The following BAIAP2L1 variants were observed in gnomAD, a reference collection of about 807,000 sequenced individuals.
BAIAP2L1 encodes the protein BAR/IMD domain containing adaptor protein 2 like 1, also known as BAR/IMD domain-containing adapter protein 2-like 1.
Under a neutral mutation model 66.3 loss-of-function variants are expected in BAIAP2L1, and 35 were observed. The ratio of observed to expected loss-of-function variants is 0.53; its 90% CI spans 0.40 to 0.70. The LOEUF (loss-of-function observed/expected upper bound fraction) is 0.70, where lower values mean the gene tolerates loss of function less well. Among genes scored for constraint, BAIAP2L1 ranks in the 30% least tolerant of loss-of-function variants. The pLI is 0.00. For missense variants in BAIAP2L1, 622 were observed against 656.9 expected (o/e 0.95, Z 0.58); for synonymous variants, 269 against 248.7 (o/e 1.08, Z -0.77).
In BAIAP2L1 at chr7:98,292,383, AT is replaced by A; in HGVS notation, c.*1137del. On this transcript the variant is annotated 3_prime_UTR_variant, in exon 14 of 14. Coordinates refer to ENST00000005260, the MANE Select transcript of BAIAP2L1 (RefSeq NM_018842.5). ...ACCACCACACCTGTCTAATTTTTGTATTTTTAGTAGAGACTCCTGACCTCAG... is the reference window on the plus strand; with the variant it reads ...ACCACCACACCTGTCTAATTTTTGTATTTTAGTAGAGACTCCTGACCTCAG... 2.2e-6 allele frequency: 1 copy of A among 459,326 alleles called. No homozygotes were observed. The highest frequency in any genetic ancestry group is 3.9e-6 in the Non-Finnish European group (1 of 254,744). The allele number at this position is 459,326 out of a possible 1,614,324, so 28.5% of individuals were successfully genotyped here.
chr7:98,342,032 T>C (rs1025470477), intron 3 of BAIAP2L1, among the ~76,000 whole-genome samples: 1 of 141,360 alleles, frequency 7.1e-6, no homozygotes, highest in African/African-American at 2.6e-5. Context: ...TTTCAGAAAT[T>C]TTTTTCTGAT....
chr7:98,369,044 C>CTT (rs34808288), intron 1 of BAIAP2L1, among the ~76,000 whole-genome samples: 16 of 130,776 alleles, frequency 1.2e-4, no homozygotes, highest in East Asian at 4.4e-4. Flanking sequence ...AACTGCCAAA[C>CTT]TTTTTTTTTT....
chr7:98,341,122 G>A (rs1729556271), intron 3 of BAIAP2L1, among the ~76,000 whole-genome samples: 1 of 151,980 alleles, frequency 6.6e-6, no homozygotes, highest in South Asian at 2.1e-4. Context: ...CATTTATCAT[G>A]TGCTTGCTTC....
At chr7:98,386,704 T>TTC (rs1802901567) in intron 1 of BAIAP2L1, 1 of 767,470 alleles carries the variant, frequency 1.3e-6, no homozygotes, top group African/African-American at 1.9e-5. Flanking sequence ...TTTTTTTTTT[T>TTC]TTTTTTTTTT....
chr7:98,376,657 C>CA (rs71112147), intron 1 of BAIAP2L1, among the ~76,000 whole-genome samples: 3,410 of 92,866 alleles, frequency 0.037, 119 homozygotes, highest in African/African-American at 0.048. Flanking sequence ...CCCATCTTTA[C>CA]AAAAAAAAAA....
intron 3 of BAIAP2L1, among the ~76,000 whole-genome samples, chr7:98,349,204 C>T (rs1801944548): frequency 6.6e-6 from 1 of 152,164 alleles, no homozygotes; most frequent in South Asian, 2.1e-4. Flanking sequence ...GGCCTATCAG[C>T]CACCCTGAGG....
intron 12 of BAIAP2L1, among the ~76,000 whole-genome samples, chr7:98,297,608 G>T (rs1169871016): frequency 6.6e-6 from 1 of 152,210 alleles, no homozygotes; most frequent in Non-Finnish European, 1.5e-5. Context: ...CCTCGTCTGT[G>T]GCCCGGACTT....
intron 1 of BAIAP2L1, among the ~76,000 whole-genome samples, chr7:98,383,283 CT>C (rs112746004): frequency 0.38 from 52,108 of 137,702 alleles, 10,329 homozygotes; most frequent in Middle Eastern, 0.55. Context: ...AACTTTCAAT[CT>C]TTTTTTTTTT....
chr7:98,318,945 CAAA>C (rs369964958), intron 5 of BAIAP2L1, among the ~76,000 whole-genome samples: 4 of 114,564 alleles, frequency 3.5e-5, no homozygotes, highest in South Asian at 2.9e-4. Context: ...GACTCCATCT[CAAA>C]AAAAAAAAAA....
intron 3 of BAIAP2L1, among the ~76,000 whole-genome samples, chr7:98,340,765 T>C (rs1254234638): frequency 6.6e-6 from 1 of 151,242 alleles, no homozygotes; most frequent in African/African-American, 2.4e-5. Flanking sequence ...ACACGACACA[T>C]GGACTTCCAC....
rs1231720060 is a variant in BAIAP2L1, at chr7:98,294,232, A to T, written c.1423-121T>A. 4 of 1,001,446 alleles carry T rather than the reference A, an allele frequency of 4.0e-6. No individual in the cohort carries two copies. The East Asian group carries it at 1.1e-4, about 27-fold the overall frequency. 62.0% of individuals were successfully genotyped at this position (1,001,446 alleles called of 1,614,324 possible). A position where few individuals can be genotyped will look rare whatever the true frequency, so the allele number is the denominator to read the frequency against. The stretch of plus-strand genomic sequence containing the variant: ...GGTTTCGAACTCCTGAGCTCACGTG[A>T]TCCTTCCACCTTGGCCTCCTAATGT... On this transcript the variant is annotated intron_variant, in intron 12 of 13. Coordinates refer to ENST00000005260, the MANE Select transcript of BAIAP2L1 (RefSeq NM_018842.5).
intron 10 of BAIAP2L1, 192 bp downstream of exon 10, chr7:98,307,497 G>A (rs2116858188): frequency 6.3e-6 from 9 of 1,431,694 alleles, no homozygotes; most frequent in Non-Finnish European, 8.2e-6. Context: ...TGCACCAAAT[G>A]TATCTCTACA....
intron 3 of BAIAP2L1, among the ~76,000 whole-genome samples, chr7:98,326,938 CAT>C (rs1410320263): frequency 6.6e-6 from 1 of 151,878 alleles, no homozygotes; most frequent in African/African-American, 2.4e-5. Flanking sequence ...TCAAAACAAA[CAT>C]AACAAATGAG....
intron 1 of BAIAP2L1, among the ~76,000 whole-genome samples, chr7:98,365,605 C>T (rs932591583): frequency 6.6e-6 from 1 of 151,932 alleles, no homozygotes; most frequent in Non-Finnish European, 1.5e-5. Flanking sequence ...CAAGTAGCTG[C>T]GGGGGGTGGA....
intron 6 of BAIAP2L1, among the ~76,000 whole-genome samples, chr7:98,316,267 ATC>A (rs555546258): frequency 3.3e-5 from 5 of 151,506 alleles, no homozygotes; most frequent in South Asian, 4.2e-4. Flanking sequence ...AGTCCATTAA[ATC>A]TCTTTCTTTT....
At chr7:98,322,584 G>A (rs1051539417) in intron 3 of BAIAP2L1, among the ~76,000 whole-genome samples, 9 of 152,146 alleles carry the variant, frequency 5.9e-5, no homozygotes, top group African/African-American at 1.9e-4. Flanking sequence ...GAGAAGGCAT[G>A]GGGCATGGCG....
At chr7:98,386,692 G>GTTTTTT in intron 1 of BAIAP2L1, 4 of 270,538 alleles carry the variant, frequency 1.5e-5, no homozygotes, top group Non-Finnish European at 2.7e-5. Flanking sequence ...ACTTTCCAAA[G>GTTTTTT]GTTTTTTTTT....
chr7:98,307,705 G>A lies in BAIAP2L1; in HGVS notation c.1147C>T (p.His383Tyr), dbSNP rs759417905. 1.9e-6 allele frequency: 3 copies of A among 1,614,132 alleles called. No homozygotes were observed. The South Asian group carries it at 3.3e-5, about 18-fold the overall frequency. Residue 383 changes from histidine to tyrosine, a missense_variant, in exon 10 of 14, where the codon CAC becomes TAC. Transcript: ENST00000005260. ...EEKDGWLYGEHDVSKARGWFP... is the reference protein window; with the variant it reads ...EEKDGWLYGEYDVSKARGWFP... ...CAGACTTACGCCTTGGACACGTCGT[G>A]TTCTCCATAGAGCCAGCCATCCTTC...
At chr7:98,361,924 T>G (rs908390937) in intron 2 of BAIAP2L1, among the ~76,000 whole-genome samples, 16 of 152,144 alleles carry the variant, frequency 1.1e-4, no homozygotes, top group African/African-American at 3.9e-4. Context: ...CTAAAAATAT[T>G]GTTTCTCATG....
Sources: allele counts gnomAD v4.1 joint callset (sites outside exome capture counted in the v4.1 genomes callset), GRCh38; gene constraint gnomAD v4.1.1; transcripts MANE v1.5; gene names NCBI Gene and HGNC (gene_info 2026-07-23, HGNC 2026-07-21).